The following PHLPP1 variants were observed in gnomAD, a reference collection of about 807,000 sequenced individuals.
PHLPP1 encodes the protein PH domain and leucine rich repeat protein phosphatase 1, also known as PH domain leucine-rich repeat-containing protein phosphatase 1.
PHLPP1 carries 42 observed loss-of-function variants against 117.2 expected under a neutral mutation model. The observed-to-expected ratio is 0.36, with a 90% CI of 0.28 to 0.46. The LOEUF is 0.46. Among genes scored for constraint, PHLPP1 ranks in the 20% least tolerant of loss-of-function variants. The probability of loss-of-function intolerance (pLI) is 1.00; values close to 1 mark genes in which losing one functional copy is unlikely to be tolerated. For synonymous variants in PHLPP1, 1,042 were observed against 970.7 expected (o/e 1.07, Z -1.37); for missense variants, 2,084 against 2,241.9 (o/e 0.93, Z 1.42).
intron 1 of PHLPP1, among the ~76,000 whole-genome samples, chr18:62,826,002 AACC>A (rs1258127340): frequency 1.3e-5 from 2 of 152,350 alleles, no homozygotes; most frequent in East Asian, 3.9e-4. Flanking sequence ...ATTAATTTTA[AACC>A]ACCACTTCTT....
At chr18:62,795,435 C>G (rs1913599542) in intron 1 of PHLPP1, among the ~76,000 whole-genome samples, 1 of 147,762 alleles carries the variant, frequency 6.8e-6, no homozygotes, top group Non-Finnish European at 1.5e-5. Flanking sequence ...CCGAGCCGAG[C>G]CAAGCTGAGA....
intron 1 of PHLPP1, among the ~76,000 whole-genome samples, chr18:62,796,406 A>G (rs1421524083): frequency 6.6e-6 from 1 of 152,216 alleles, no homozygotes; most frequent in Non-Finnish European, 1.5e-5. Context: ...ATGTTTTGGA[A>G]CTACTGTGCT....
chr18:62,979,033 G>A lies in PHLPP1; in HGVS notation c.4756G>A (p.Val1586Met). ...EKEKQQHLLQ[V>M]PAEASDEGIV... ...GGAGAAACAGCAGCACCTGCTTCAG[G>A]TGCCAGCAGAGGCCAGTGATGAGGG... Residue 1586 changes from valine to methionine, a missense_variant, in exon 17 of 17, where the codon GTG (valine) becomes ATG (methionine). Val to Met is a conservative substitution (Grantham distance 21). Around this residue, in one of 2 missense-constraint regions of PHLPP1, gnomAD observed 1,365 missense variants for 1,605.9 expected, o/e 0.85. Transcript: ENST00000262719. 1 of 1,613,784 alleles carries A rather than the reference G, an allele frequency of 6.2e-7. No individual in the cohort carries two copies. Among genetic ancestry groups the A allele is most frequent in the Middle Eastern group, 1.6e-4 (1 of 6,062 alleles).
chr18:62,715,888 G>A lies in PHLPP1; in HGVS notation c.205G>A (p.Gly69Arg). The A allele has an allele frequency of 1.1e-6, 1 of 871,028 alleles. No individual in the cohort carries two copies. Among genetic ancestry groups the A allele is most frequent in the Non-Finnish European group, 1.4e-6 (1 of 724,652 alleles). 54.0% of individuals were successfully genotyped at this position (871,028 alleles called of 1,614,324 possible). A position where few individuals can be genotyped will look rare whatever the true frequency, so the allele number is the denominator to read the frequency against. Residue 69 changes from glycine to arginine, a missense_variant, in exon 1 of 17, where the codon GGG becomes AGG. This residue lies in a region of PHLPP1 where 719 missense variants were observed against 636.0 expected (regional missense o/e 1.13). Coordinates refer to ENST00000262719, the MANE Select transcript of PHLPP1 (RefSeq NM_194449.4). Reference sequence around the variant, plus strand: ...GAGCGGCGGGAACGGCAGCGGCAGCGGGGCGCGGGAAGAGGCCCCAGGCGA... The same window carrying A: ...GAGCGGCGGGAACGGCAGCGGCAGCAGGGCGCGGGAAGAGGCCCCAGGCGA... ...APSGGNGSGS[G>R]AREEAPGEAP... is the part of the protein sequence containing the mutation.
chr18:62,742,009 G>T (rs963808295), intron 1 of PHLPP1, among the ~76,000 whole-genome samples: 1 of 151,964 alleles, frequency 6.6e-6, no homozygotes, highest in Non-Finnish European at 1.5e-5. Context: ...TGCAAAATAG[G>T]TAGATATATG....
chr18:62,881,989 G>C (rs773803938), intron 4 of PHLPP1, among the ~76,000 whole-genome samples: 1 of 152,160 alleles, frequency 6.6e-6, no homozygotes, highest in African/African-American at 2.4e-5. Flanking sequence ...AGATGAGTCC[G>C]AAAGGAACAT....
chr18:62,913,727 TTCTC>T lies in PHLPP1; in HGVS notation c.2709-1176_2709-1173del, dbSNP rs200624362. Among the ~76,000 whole-genome samples, 344 of 146,434 alleles carry T rather than the reference TTCTC, an allele frequency of 2.3e-3. 11 individuals are homozygous for T. The highest frequency in any genetic ancestry group is 3.5e-3 in the Middle Eastern group (1 of 284). On this transcript the variant is annotated intron_variant, in intron 8 of 16. Coordinates refer to ENST00000262719, the MANE Select transcript of PHLPP1 (RefSeq NM_194449.4). ...ATAGTTAAAGACACCATTAGTTTAG[TTCTC>T]TCTCTCTCTTTTTTTTTTTTTTTTT...
chr18:62,912,606 C>G (rs1268911182), intron 8 of PHLPP1, among the ~76,000 whole-genome samples: 2 of 151,468 alleles, frequency 1.3e-5, no homozygotes, highest in Non-Finnish European at 2.9e-5. Context: ...ATATAAATAT[C>G]TTGAACAGTT....
chr18:62,744,501 G>C (rs1911622085), intron 1 of PHLPP1, among the ~76,000 whole-genome samples: 1 of 152,242 alleles, frequency 6.6e-6, no homozygotes, highest in African/African-American at 2.4e-5. Context: ...TCTTAAGCCT[G>C]ACTCCATGCA....
rs986634350 is a variant in PHLPP1 at position 62,873,246 on chromosome 18, C to T, written c.2066+12645C>T. Among the ~76,000 whole-genome samples, 5 of 152,194 alleles carry T rather than the reference C, an allele frequency of 3.3e-5. No homozygotes were observed. In the East Asian group the frequency reaches 7.7e-4, roughly 23 times the overall value. On this transcript the variant is annotated intron_variant, in intron 4 of 16. Transcript: ENST00000262719. ...ATTTGTATGTGTGTGTTTCCAGTAACTTTGTCCATGGTACTTGGAAAGTTT... is the reference window on the plus strand; with the variant it reads ...ATTTGTATGTGTGTGTTTCCAGTAATTTTGTCCATGGTACTTGGAAAGTTT...
At chr18:62,721,019 C>G (rs185061740) in intron 1 of PHLPP1, among the ~76,000 whole-genome samples, 1 of 152,068 alleles carries the variant, frequency 6.6e-6, no homozygotes, top group Non-Finnish European at 1.5e-5. Context: ...TTTTGCAATT[C>G]GTATCACTTT....
chr18:62,757,059 G>T (rs74646188), intron 1 of PHLPP1, among the ~76,000 whole-genome samples: 1 of 152,158 alleles, frequency 6.6e-6, no homozygotes, highest in Non-Finnish European at 1.5e-5. Flanking sequence ...TGGACAAGGG[G>T]TATCCTTAAC....
At position 62,804,263 on chromosome 18, in the gene PHLPP1, A is replaced by G. The variant is rs543779416; in HGVS notation, c.1577-25772A>G. Among the ~76,000 whole-genome samples the G allele has an allele frequency of 9.2e-5, 14 of 152,228 alleles. No homozygotes were observed. In the East Asian group the frequency reaches 1.2e-3, roughly 13 times the overall value. ...TGGGAGAAACTGCCCCCATGATCCA[A>G]TCACTTCCCATCAGGTCCCTCCCCT... On this transcript the variant is annotated intron_variant, in intron 1 of 16. Transcript: ENST00000262719.
intron 14 of PHLPP1, among the ~76,000 whole-genome samples, chr18:62,968,639 G>A (rs748805953): frequency 2.1e-5 from 3 of 142,394 alleles, no homozygotes; most frequent in African/African-American, 7.8e-5. Flanking sequence ...CTGGGTTCAC[G>A]CAATTCTTCT....
intron 4 of PHLPP1, among the ~76,000 whole-genome samples, chr18:62,869,437 C>G (rs1915846602): frequency 6.6e-6 from 1 of 152,120 alleles, no homozygotes; most frequent in Admixed American, 6.6e-5. Flanking sequence ...TCCATGTAAC[C>G]AGTACACATA....
At chr18:62,870,974 T>G (rs73458290) in intron 4 of PHLPP1, among the ~76,000 whole-genome samples, 5,060 of 152,278 alleles carry the variant, frequency 0.033, 306 homozygotes, top group African/African-American at 0.12. Context: ...GTTTCTTTCC[T>G]TATTATATGT....
intron 1 of PHLPP1, among the ~76,000 whole-genome samples, chr18:62,738,227 A>T (rs1415534182): frequency 6.6e-6 from 1 of 151,898 alleles, no homozygotes; most frequent in African/African-American, 2.4e-5. Flanking sequence ...GTGGTGGCAC[A>T]TGCCTGTAGT....
At chr18:62,831,344 T>A (rs1375578271) in intron 2 of PHLPP1, among the ~76,000 whole-genome samples, 2 of 96,852 alleles carry the variant, frequency 2.1e-5, no homozygotes, top group East Asian at 3.9e-4. Context: ...TTCTTTTTCT[T>A]TTTTTTTTTT....
chr18:62,844,375 C>T (rs1335668003), intron 3 of PHLPP1, among the ~76,000 whole-genome samples: 1 of 152,110 alleles, frequency 6.6e-6, no homozygotes, highest in Non-Finnish European at 1.5e-5. Context: ...AAGTATTTTT[C>T]TTTATTCCAT....
Sources: allele counts gnomAD v4.1 joint callset (sites outside exome capture counted in the v4.1 genomes callset), GRCh38; gene constraint gnomAD v4.1.1; regional missense constraint gnomAD v4.1.1; transcripts MANE v1.5; gene names NCBI Gene and HGNC (gene_info 2026-07-23, HGNC 2026-07-21).